The following KMT2A variants were observed in gnomAD, a reference collection of about 807,000 sequenced individuals.
KMT2A encodes the protein histone-lysine N-methyltransferase 2A.
Under a neutral mutation model 345.3 loss-of-function variants are expected in KMT2A, and 16 were observed. The ratio of observed to expected loss-of-function variants is 0.05; its 90% confidence interval spans 0.03 to 0.07. The LOEUF (loss-of-function observed/expected upper bound fraction) is 0.07. Ranked by LOEUF, KMT2A falls within the 10% of genes least tolerant of loss-of-function variation. The pLI is 1.00. For synonymous variants in KMT2A, 1,599 were observed against 1,778.6 expected (o/e 0.90, Z 2.54); for missense variants, 3,272 against 4,841.6 (o/e 0.68, Z 9.62).
rs782565049 is a variant in KMT2A at position 118,496,212 on chromosome 11, A to G, written c.5558-49A>G. On this transcript the variant is annotated intron_variant, in intron 19 of 35. Coordinates refer to ENST00000534358, the MANE Select transcript of KMT2A (RefSeq NM_001197104.2). The surrounding 1 kb of genome is among the most constrained non-coding windows in gnomAD (Gnocchi z 4.7). ...CCTTGAAATCAGACATAGTATTGCC[A>G]ATTTTAACTGGATCTCAAGGTATTG... 3 of 1,348,936 alleles carry G rather than the reference A, an allele frequency of 2.2e-6. No individual in the cohort carries two copies. The highest frequency in any genetic ancestry group is 3.2e-6 in the Non-Finnish European group (3 of 939,848). The allele number at this position is 1,348,936 out of a possible 1,614,324, so 83.6% of individuals were successfully genotyped here. A position where few individuals can be genotyped will look rare whatever the true frequency, so the allele number is the denominator to read the frequency against.
chr11:118,461,703 G>A (rs1421192697), intron 1 of KMT2A, among the ~76,000 whole-genome samples: 1 of 152,156 alleles, frequency 6.6e-6, no homozygotes, highest in Admixed American at 6.5e-5. Flanking sequence ...TCTCTTCAGG[G>A]CTGTCCAGGC....
At position 118,503,037 on chromosome 11, in the gene KMT2A, G is replaced by A. The variant is rs782199472; in HGVS notation, c.7145G>A (p.Arg2382Gln). ...CATTTGAGAGGGCAAAGGAATGATC[G>A]AGACCAACACACAGATTCTACCCAA... ...HLHLRGQRND[R>Q]DQHTDSTQSA... is the part of the protein sequence containing the mutation. The change falls in exon 27 of 36, where the codon CGA (arginine) becomes CAA (glutamine). Residue 2382 changes from arginine to glutamine, a missense_variant. By Grantham distance (43) the Arg-to-Gln change is conservative. Transcript: ENST00000534358. The surrounding 1 kb of genome is among the most constrained non-coding windows in gnomAD (Gnocchi z 5.3). The A allele has an allele frequency of 5.0e-6, 8 of 1,613,286 alleles. No homozygotes were observed. The highest frequency in any genetic ancestry group is 3.3e-5 in the Admixed American group (2 of 60,002).
At chr11:118,501,310 A>T (rs1275112876) in intron 25 of KMT2A, among the ~76,000 whole-genome samples, 163 bp downstream of exon 25, 3 of 152,064 alleles carry the variant, frequency 2.0e-5, no homozygotes, top group African/African-American at 7.2e-5. Context: ...ATACAAAAAA[A>T]TTAGCCAGGC....
In KMT2A at chr11:118,491,065, G is replaced by C; in HGVS notation, c.4697-131G>C. 1.2e-6 allele frequency: 1 copy of C among 849,046 alleles called. No individual in the cohort carries two copies. The highest frequency in any genetic ancestry group is 1.8e-6 in the Non-Finnish European group (1 of 560,496). The allele number at this position is 849,046 out of a possible 1,614,324, so 52.6% of individuals were successfully genotyped here. On this transcript the variant is annotated intron_variant, in intron 13 of 35. Coordinates refer to ENST00000534358, the MANE Select transcript of KMT2A (RefSeq NM_001197104.2). This position sits in a 1 kb window ranked among gnomAD's most constrained non-coding sequence, Gnocchi z 4.2. ...ACTGCAGATGTGTGAACATTCCACA[G>C]TAGATCCATGCTGGTGTTCATGATC...
chr11:118,479,220 A>C lies in KMT2A; in HGVS notation c.3570-954A>C, dbSNP rs150199390. Among the ~76,000 whole-genome samples the C allele has an allele frequency of 2.9e-3, 444 of 152,300 alleles. 3 individuals are homozygous for C. The highest frequency in any genetic ancestry group is 0.012 in the East Asian group (62 of 5,194). ...TCTTTCTGATTATTTTTTTGTACCC[A>C]TTAGCCATCCCCTAATATGGAATTT... On this transcript the variant is annotated intron_variant, in intron 5 of 35. Coordinates refer to ENST00000534358, the MANE Select transcript of KMT2A (RefSeq NM_001197104.2).
intron 1 of KMT2A, among the ~76,000 whole-genome samples, chr11:118,443,830 T>C (rs565084981): frequency 1.3e-5 from 2 of 152,336 alleles, no homozygotes; most frequent in African/African-American, 4.8e-5. Context: ...TCCAGTAGCA[T>C]TTATTTCAGG....
chr11:118,464,672 G>A (rs1949808700), intron 1 of KMT2A, among the ~76,000 whole-genome samples: 1 of 152,178 alleles, frequency 6.6e-6, no homozygotes, highest in African/African-American at 2.4e-5. Context: ...GCAAGATCCT[G>A]AAGCATGTCT....
In KMT2A at chr11:118,490,625, A is replaced by G. The variant is rs1016569919; in HGVS notation, c.4696+376A>G. Among the ~76,000 whole-genome samples, 2 of 152,228 alleles carry G rather than the reference A, an allele frequency of 1.3e-5. No individual in the cohort carries two copies. The highest frequency in any genetic ancestry group is 4.1e-4 in the South Asian group (2 of 4,828). On this transcript the variant is annotated intron_variant, in intron 13 of 35. Coordinates refer to ENST00000534358, the MANE Select transcript of KMT2A (RefSeq NM_001197104.2). This position sits in a 1 kb window ranked among gnomAD's most constrained non-coding sequence, Gnocchi z 4.2. Reference sequence around the variant, plus strand: ...ACTAATACATTAAACCTGTTATATTACTGACTTAGGATAATCATATAAAGT... The same window carrying G: ...ACTAATACATTAAACCTGTTATATTGCTGACTTAGGATAATCATATAAAGT...
chr11:118,502,619 G>T lies in KMT2A; in HGVS notation c.6727G>T (p.Ala2243Ser), dbSNP rs782068838. Residue 2243 changes from alanine to serine, a missense_variant, in exon 27 of 36, where the codon GCC (alanine) becomes TCC (serine). This residue lies in a region of KMT2A where 445 missense variants were observed against 500.9 expected (regional missense o/e 0.89). Coordinates refer to ENST00000534358, the MANE Select transcript of KMT2A (RefSeq NM_001197104.2). The surrounding 1 kb of genome is among the most constrained non-coding windows in gnomAD (Gnocchi z 4.9). ...GACCGCTACTGATCTTGAATCAAGTGCCAAAGTAGTTGATCATGTCTTAGG... is the reference window on the plus strand; with the variant it reads ...GACCGCTACTGATCTTGAATCAAGTTCCAAAGTAGTTGATCATGTCTTAGG... Reference protein sequence around the residue: ...TGTATDLESSAKVVDHVLGPL... With the variant: ...TGTATDLESSSKVVDHVLGPL... 4.3e-6 allele frequency: 7 copies of T among 1,614,104 alleles called. No homozygotes were observed. The highest frequency in any genetic ancestry group is 5.9e-6 in the Non-Finnish European group (7 of 1,180,008).
chr11:118,472,293 G>A lies in KMT2A; in HGVS notation c.1134G>A (p.Arg378=), dbSNP rs782014369. The A allele has an allele frequency of 6.2e-7, 1 of 1,613,884 alleles. No homozygotes were observed. The highest frequency in any genetic ancestry group is 2.2e-5 in the East Asian group (1 of 44,870). ...CCATTGCTAAGCAACTCTTACAGAG[G>A]GCAAAAAAGGGGGCTCAAAAGAAAA... ...DATIAKQLLQ[R]AKKGAQKKIE... The change falls in exon 3 of 36, where the codon AGG becomes AGA. Residue 378 remains arginine (R), a synonymous_variant. Coordinates refer to ENST00000534358, the MANE Select transcript of KMT2A (RefSeq NM_001197104.2).
In KMT2A at chr11:118,491,299, G is replaced by C; in HGVS notation, c.4800G>C (p.Glu1600Asp). 1.9e-6 allele frequency: 3 copies of C among 1,613,876 alleles called. No individual in the cohort carries two copies. The highest frequency in any genetic ancestry group is 2.5e-6 in the Non-Finnish European group (3 of 1,179,886). The change falls in exon 14 of 36, where the codon GAG (glutamate) becomes GAC (aspartate). Residue 1600 changes from glutamate to aspartate, a missense_variant. Around this residue, in one of 27 missense-constraint regions of KMT2A, gnomAD observed 120 missense variants for 280.4 expected, o/e 0.43. Coordinates refer to ENST00000534358, the MANE Select transcript of KMT2A (RefSeq NM_001197104.2). This position sits in a 1 kb window ranked among gnomAD's most constrained non-coding sequence, Gnocchi z 4.2. ...ATCGCTGGGTCCATTCCAAATGTGA[G>C]AATCTTTCAGGTACAGAAGGTTGGA... ...KCDRWVHSKC[E>D]NLSGTEDEMY...
At chr11:118,512,163 C>T in intron 31 of KMT2A, 138 bp downstream of exon 31, 1 of 669,622 alleles carries the variant, frequency 1.5e-6, no homozygotes, top group Non-Finnish European at 2.6e-6. Context: ...ATTCATATAC[C>T]ATACAGTTCA....
chr11:118,509,615 T>C (rs1950647790), intron 29 of KMT2A, among the ~76,000 whole-genome samples: 1 of 152,222 alleles, frequency 6.6e-6, no homozygotes. Context: ...TGAATTTGAT[T>C]AGGAAACAAA....
chr11:118,491,748 G>C lies in KMT2A; in HGVS notation c.4824G>C (p.Glu1608Asp). The change falls in exon 15 of 36, where the codon GAG (glutamate) becomes GAC (aspartate). Residue 1608 changes from glutamate to aspartate, a missense_variant. Glu to Asp is a conservative substitution (Grantham distance 45). Coordinates refer to ENST00000534358, the MANE Select transcript of KMT2A (RefSeq NM_001197104.2). The surrounding 1 kb of genome is among the most constrained non-coding windows in gnomAD (Gnocchi z 4.2). ...KCENLSGTEDEMYEILSNLPE... is the reference protein window; with the variant it reads ...KCENLSGTEDDMYEILSNLPE... ...GGTAGGTTTTTGTTTTCTTAGATGA[G>C]ATGTATGAGATTCTATCTAATCTGC... 6.3e-7 allele frequency: 1 copy of C among 1,597,604 alleles called. No individual in the cohort carries two copies. Among genetic ancestry groups the C allele is most frequent in the Non-Finnish European group, 8.5e-7 (1 of 1,171,620 alleles).
At position 118,472,985 on chromosome 11, in the gene KMT2A, A is replaced by G. The variant is rs137867090; in HGVS notation, c.1826A>G (p.Lys609Arg). 1.3e-5 allele frequency: 21 copies of G among 1,613,970 alleles called. No homozygotes were observed. Among genetic ancestry groups the G allele is most frequent in the Non-Finnish European group, 1.6e-5 (19 of 1,180,024 alleles). Residue 609 changes from lysine (K) to arginine (R), a missense_variant, in exon 3 of 36, where the codon AAA (lysine) becomes AGA (arginine). Around this residue, in one of 27 missense-constraint regions of KMT2A, gnomAD observed 114 missense variants for 203.2 expected, o/e 0.56. Coordinates refer to ENST00000534358, the MANE Select transcript of KMT2A (RefSeq NM_001197104.2). ...ACTGCTCCTATGCAAGGGAAGCGAA[A>G]ATCTATTTTGCGAGAACCGACATTT... ...ASTAPMQGKR[K>R]SILREPTFRW...
intron 7 of KMT2A, 108 bp downstream of exon 7, chr11:118,482,200 A>C (rs1555039510): frequency 7.8e-7 from 1 of 1,281,134 alleles, no homozygotes; most frequent in African/African-American, 1.5e-5. Context: ...TGAAGTCTTC[A>C]GTTCAAGAAA....
At chr11:118,458,127 A>G (rs1949681620) in intron 1 of KMT2A, 3 of 356,934 alleles carry the variant, frequency 8.4e-6, no homozygotes, top group South Asian at 3.9e-5. Flanking sequence ...TCTGTCACCC[A>G]GCCTGGAGTG....
chr11:118,506,464 T>C lies in KMT2A; in HGVS notation c.10572T>C (p.Ser3524=). 6 of 1,614,196 alleles carry C rather than the reference T, an allele frequency of 3.7e-6. No individual in the cohort carries two copies. Among genetic ancestry groups the C allele is most frequent in the East Asian group, 2.2e-5 (1 of 44,888 alleles). ...GGGGTTCTCCATCCTCTCCATCTTC[T>C]GGACAGCGGTCAGCAAGCCCTTCAG... is the stretch of plus-strand genomic sequence containing the variant. ...SPGGSPSSPS[S]GQRSASPSVP... The change falls in exon 27 of 36, where the codon TCT becomes TCC. Residue 3524 remains serine, a synonymous_variant. Transcript: ENST00000534358.
chr11:118,520,296 C>T lies in KMT2A; in HGVS notation c.11429+232C>T. The T allele has an allele frequency of 1.9e-6, 1 of 513,268 alleles. No homozygotes were observed. Among genetic ancestry groups the T allele is most frequent in the Non-Finnish European group, 3.4e-6 (1 of 290,456 alleles). 31.8% of individuals were successfully genotyped at this position (513,268 alleles called of 1,614,324 possible). On this transcript the variant is annotated intron_variant, in intron 33 of 35. Coordinates refer to ENST00000534358, the MANE Select transcript of KMT2A (RefSeq NM_001197104.2). This position sits in a 1 kb window ranked among gnomAD's most constrained non-coding sequence, Gnocchi z 4.3. ...GCCTGTTTTCTTTAATGATAGTATA[C>T]TCTGTCAGCTTTGGTTGTACCACCA...
Sources: allele counts gnomAD v4.1 joint callset (sites outside exome capture counted in the v4.1 genomes callset), GRCh38; gene constraint gnomAD v4.1.1; regional missense constraint gnomAD v4.1.1; non-coding constraint Gnocchi (gnomAD v3.1); transcripts MANE v1.5; gene names NCBI Gene and HGNC (gene_info 2026-07-23, HGNC 2026-07-21).